Variants in CHCHD3 observed in about 807,000 individuals in gnomAD.
The protein encoded by CHCHD3 is MICOS complex subunit MIC19.
A neutral mutation model predicts 38.2 loss-of-function variants in CHCHD3; 20 were observed. That is an observed-to-expected ratio of 0.52 (90% CI 0.37 to 0.76). CHCHD3 has a LOEUF of 0.76. Among genes scored for constraint, CHCHD3 ranks in the 30% least tolerant of loss-of-function variants. The pLI is 0.00. For synonymous variants in CHCHD3, 82 were observed against 100.0 expected (o/e 0.82, Z 1.07); for missense variants, 245 against 279.2 (o/e 0.88, Z 0.87).
intron 6 of CHCHD3, among the ~76,000 whole-genome samples, chr7:132,835,987 T>C (rs1807770515): frequency 6.6e-6 from 1 of 152,192 alleles, no homozygotes. Flanking sequence ...AGCCCTGGCG[T>C]CACCTTGACC....
intron 6 of CHCHD3, among the ~76,000 whole-genome samples, chr7:132,831,227 T>C (rs1807640574): frequency 6.6e-6 from 1 of 152,178 alleles, no homozygotes; most frequent in Admixed American, 6.6e-5. Flanking sequence ...GTTCAAGTAA[T>C]GTTGTTTTAA....
intron 5 of CHCHD3, among the ~76,000 whole-genome samples, chr7:132,854,681 A>C (rs949945681): frequency 2.0e-5 from 3 of 152,158 alleles, no homozygotes; most frequent in Non-Finnish European, 4.4e-5. Context: ...TAAGTGGGTC[A>C]ATGTCCATTT....
intron 4 of CHCHD3, among the ~76,000 whole-genome samples, chr7:132,959,199 C>G (rs1162376823): frequency 1.3e-5 from 2 of 152,204 alleles, no homozygotes; most frequent in Non-Finnish European, 2.9e-5. Context: ...CAAATGAGCT[C>G]TAACTCCCAA....
chr7:132,887,417 A>T (rs1809244945), intron 4 of CHCHD3, among the ~76,000 whole-genome samples: 1 of 151,788 alleles, frequency 6.6e-6, no homozygotes, highest in South Asian at 2.1e-4. Flanking sequence ...TTTAAATTCA[A>T]CATAAAAACC....
chr7:132,934,255 T>A (rs1241345386), intron 4 of CHCHD3, among the ~76,000 whole-genome samples: 2 of 152,168 alleles, frequency 1.3e-5, no homozygotes, highest in Non-Finnish European at 2.9e-5. Flanking sequence ...ATGCCAATGC[T>A]ACTGCTCTAC....
chr7:132,843,468 G>A (rs1452230156), intron 5 of CHCHD3, among the ~76,000 whole-genome samples: 1 of 152,170 alleles, frequency 6.6e-6, no homozygotes, highest in Non-Finnish European at 1.5e-5. Context: ...TTTGAAGAAT[G>A]ATGGCAAATA....
chr7:132,792,454 G>A (rs1563236466), intron 7 of CHCHD3, among the ~76,000 whole-genome samples: 1 of 152,220 alleles, frequency 6.6e-6, no homozygotes, highest in Non-Finnish European at 1.5e-5. Context: ...GAAAGGGTAC[G>A]TAGCAGTGGG....
intron 6 of CHCHD3, among the ~76,000 whole-genome samples, chr7:132,797,371 A>G (rs1806645944): frequency 6.6e-6 from 1 of 152,070 alleles, no homozygotes; most frequent in Admixed American, 6.6e-5. Context: ...CTCAAGTGTC[A>G]GCTTTCATTA....
In CHCHD3 at chr7:133,035,652, T is replaced by C. The variant is rs1306897754; in HGVS notation, c.170-11025A>G. 2 of 1,611,466 alleles carry C rather than the reference T, an allele frequency of 1.2e-6. No homozygotes were observed. Among genetic ancestry groups the C allele is most frequent in the African/African-American group, 1.3e-5 (1 of 74,896 alleles). On this transcript the variant is annotated intron_variant, in intron 2 of 7. Transcript: ENST00000262570. This position sits in a 1 kb window ranked among gnomAD's most constrained non-coding sequence, Gnocchi z 4.7. ...CCACTGCACCACCTGGGCTGCTGCC[T>C]CTGGAGTACTTCCCCGCAGCTCCTC... is the stretch of plus-strand genomic sequence containing the variant.
intron 5 of CHCHD3, among the ~76,000 whole-genome samples, chr7:132,880,572 C>A (rs1809025460): frequency 6.6e-6 from 1 of 152,042 alleles, no homozygotes; most frequent in African/African-American, 2.4e-5. Flanking sequence ...CTTAGAAAAT[C>A]TAGGATTCAT....
At chr7:133,017,245 T>G (rs1790150871) in intron 3 of CHCHD3, among the ~76,000 whole-genome samples, 1 of 152,228 alleles carries the variant, frequency 6.6e-6, no homozygotes, top group Non-Finnish European at 1.5e-5. Flanking sequence ...ACAGCCTATA[T>G]GATTCTATCA....
chr7:133,067,078 G>A (rs1357060553), intron 2 of CHCHD3, among the ~76,000 whole-genome samples: 6 of 152,288 alleles, frequency 3.9e-5, no homozygotes, highest in African/African-American at 1.4e-4. Context: ...ATCACTTCAA[G>A]TCTCAGTTTC....
intron 5 of CHCHD3, among the ~76,000 whole-genome samples, chr7:132,851,908 A>T (rs909351745): frequency 1.2e-4 from 18 of 151,442 alleles, no homozygotes; most frequent in African/African-American, 4.2e-4. Context: ...GTCTCATATC[A>T]TCTCCTATGA....
At chr7:132,939,190 G>A (rs769337426) in intron 4 of CHCHD3, among the ~76,000 whole-genome samples, 1 of 152,092 alleles carries the variant, frequency 6.6e-6, no homozygotes, top group Non-Finnish European at 1.5e-5. Context: ...TTGCAGCACT[G>A]TAGCATAATA....
At chr7:132,911,494 G>A (rs1809950480) in intron 4 of CHCHD3, among the ~76,000 whole-genome samples, 1 of 152,160 alleles carries the variant, frequency 6.6e-6, no homozygotes, top group African/African-American at 2.4e-5. Context: ...CCTATAAAAA[G>A]GCCTAAGGGA....
intron 2 of CHCHD3, among the ~76,000 whole-genome samples, chr7:133,054,532 A>T (rs978985622): frequency 3.9e-5 from 6 of 152,262 alleles, no homozygotes; most frequent in African/African-American, 1.4e-4. Context: ...ACTTTTGTTA[A>T]AATTTGACAA....
chr7:132,985,617 C>T (rs1277663573), intron 3 of CHCHD3, among the ~76,000 whole-genome samples: 1 of 83,798 alleles, frequency 1.2e-5, no homozygotes, highest in Non-Finnish European at 2.5e-5. Flanking sequence ...TCTGCCCGGC[C>T]GCCCCTACTG....
At chr7:132,791,019 A>T (rs1223755011) in intron 7 of CHCHD3, among the ~76,000 whole-genome samples, 1 of 152,178 alleles carries the variant, frequency 6.6e-6, no homozygotes, top group Non-Finnish European at 1.5e-5. Flanking sequence ...ATAGGGAGTG[A>T]TAGCTCCCCA....
chr7:132,916,112 T>C (rs1265758162), intron 4 of CHCHD3, among the ~76,000 whole-genome samples: 1 of 152,156 alleles, frequency 6.6e-6, no homozygotes, highest in African/African-American at 2.4e-5. Flanking sequence ...TTTTTCTAAT[T>C]ATTTCCCAAT....
Sources: gnomAD v4.1 joint callset for allele counts (sites outside exome capture counted in the v4.1 genomes callset) on GRCh38, gnomAD v4.1.1 for gene constraint, Gnocchi (gnomAD v3.1) non-coding constraint, MANE v1.5 for transcripts, NCBI Gene and HGNC (gene_info 2026-07-23, HGNC 2026-07-21) for gene names.